The following MAGT1 variants were observed in gnomAD, a reference collection of about 807,000 sequenced individuals.
MAGT1 encodes dolichyl-diphosphooligosaccharide--protein glycosyltransferase subunit MAGT1.
MAGT1 carries 4 observed loss-of-function variants against 28.4 expected under a neutral mutation model. The ratio of observed to expected loss-of-function variants is 0.14; its 90% CI spans 0.07 to 0.32. The LOEUF (loss-of-function observed/expected upper bound fraction) is 0.32, where lower values mean the gene tolerates loss of function less well. MAGT1 is among the 10% of genes least tolerant of loss of function. The pLI is 1.00. For missense variants in MAGT1, 193 were observed against 264.5 expected, an observed-to-expected ratio of 0.73 and a Z score of 1.88; for synonymous variants, 89 against 89.7, an observed-to-expected ratio of 0.99 and a Z score of 0.04.
intron 1 of MAGT1, among the ~76,000 whole-genome samples, chrX:77,894,456 G>A (rs1317855870): frequency 4.5e-5 from 5 of 112,141 alleles, no homozygotes; most frequent in African/African-American, 1.3e-4. Context: ...TCTATTAGAG[G>A]AAGCACAGAA....
intron 7 of MAGT1, among the ~76,000 whole-genome samples, chrX:77,844,867 T>C (rs1253667993): frequency 1.8e-5 from 2 of 111,730 alleles, no homozygotes; most frequent in African/African-American, 6.5e-5. Flanking sequence ...CTTCCAACTA[T>C]GTGGTCAATT....
In MAGT1 at chrX:77,871,437, C is replaced by A. The variant is rs782292465; in HGVS notation, c.273-512G>T. Among the ~76,000 whole-genome samples, 4 of 112,332 alleles carry A rather than the reference C, an allele frequency of 3.6e-5. No individual in the cohort carries two copies. In the South Asian group the frequency reaches 1.5e-3, roughly 41 times the overall value. ...GTCTAGGAATTGAAATTAATTGAGG[C>A]CAGCTCATACCTGTAATCCCAGCAC... is the stretch of plus-strand genomic sequence containing the variant. On this transcript the variant is annotated intron_variant, in intron 2 of 9. Transcript: ENST00000618282.
At chrX:77,877,940 A>C (rs2077040411) in intron 1 of MAGT1, among the ~76,000 whole-genome samples, 1 of 109,830 alleles carries the variant, frequency 9.1e-6, no homozygotes, top group Non-Finnish European at 1.9e-5. Context: ...ACTGGTGGGA[A>C]TGTAGTATGG....
At chrX:77,877,013 CA>C (rs782800456) in intron 1 of MAGT1, among the ~76,000 whole-genome samples, 368 of 10,618 alleles carry the variant, frequency 0.035, 2 homozygotes, top group African/African-American at 0.1. Context: ...AACTCCATCT[CA>C]AAAAAAAAAA....
At chrX:77,879,276 G>A (rs1356868037) in intron 1 of MAGT1, among the ~76,000 whole-genome samples, 1 of 111,259 alleles carries the variant, frequency 9.0e-6, no homozygotes, top group Non-Finnish European at 1.9e-5. Context: ...AGGCTGGTCT[G>A]GAACTCTTGA....
intron 8 of MAGT1, among the ~76,000 whole-genome samples, chrX:77,833,491 T>C (rs1016512743): frequency 1.2e-4 from 14 of 112,143 alleles, no homozygotes; most frequent in African/African-American, 4.5e-4. Context: ...CGATATTTTG[T>C]GGCAGAGTTA....
intron 7 of MAGT1, among the ~76,000 whole-genome samples, chrX:77,852,417 ATC>A (rs1273012436): frequency 8.9e-6 from 1 of 111,780 alleles, no homozygotes; most frequent in Non-Finnish European, 1.9e-5. Flanking sequence ...TTTCCTTAAA[ATC>A]TCTCTAATCA....
At position 77,889,775 on chromosome X, in the gene MAGT1, T is replaced by A. The variant is rs942386856; in HGVS notation, c.102+5534A>T. Among the ~76,000 whole-genome samples, 5 of 112,206 alleles carry A rather than the reference T, an allele frequency of 4.5e-5. No individual in the cohort carries two copies. The Admixed American group carries it at 4.8e-4, about 11-fold the overall frequency. ...AGATATCCATCTCCTCAAGCATTTA[T>A]CCTTTGTGTTACAAACAATCCTATT... On this transcript the variant is annotated intron_variant, in intron 1 of 9. Coordinates refer to ENST00000618282, the MANE Select transcript of MAGT1 (RefSeq NM_001367916.1).
chrX:77,834,307 T>C (rs1382258218), intron 8 of MAGT1, among the ~76,000 whole-genome samples: 1 of 101,998 alleles, frequency 9.8e-6, no homozygotes, highest in Non-Finnish European at 2.0e-5. Context: ...TATATACATG[T>C]GTGTATATAT....
At chrX:77,877,131 G>A (rs1187442311) in intron 1 of MAGT1, among the ~76,000 whole-genome samples, 2 of 109,794 alleles carry the variant, frequency 1.8e-5, no homozygotes, top group Non-Finnish European at 3.8e-5. Context: ...CTAAGGGTAG[G>A]CAAAGGTTTC....
chrX:77,885,533 AAGAG>A (rs2077065584), intron 1 of MAGT1: 1 of 102,846 alleles, frequency 9.7e-6, no homozygotes, highest in Admixed American at 1.1e-4. Context: ...AAAAAAAAAA[AAGAG>A]AGACAGGGTG....
intron 1 of MAGT1, among the ~76,000 whole-genome samples, chrX:77,887,531 A>T (rs182819306): frequency 1.2e-3 from 130 of 111,799 alleles, no homozygotes; most frequent in African/African-American, 3.0e-3. Context: ...GGCATGGTTG[A>T]GAAATAAAAA....
intron 2 of MAGT1, 39 bp from the exon 3 acceptor site, chrX:77,870,964 A>G (rs1557217288): frequency 1.0e-6 from 1 of 994,983 alleles, no homozygotes. Flanking sequence ...CATATAAAAC[A>G]ATTTTTGAAA....
At chrX:77,829,867 A>G (rs781858576) in intron 9 of MAGT1, among the ~76,000 whole-genome samples, 1 of 112,399 alleles carries the variant, frequency 8.9e-6, no homozygotes, top group South Asian at 3.6e-4. Context: ...TGAATAGATA[A>G]TGGCATAAAA....
At chrX:77,841,094 G>A (rs2076933416) in intron 8 of MAGT1, 152 bp downstream of exon 8, 4 of 396,138 alleles carry the variant, frequency 1.0e-5, no homozygotes, top group Non-Finnish European at 1.8e-5. Flanking sequence ...AAATAGTAAA[G>A]GAGTTTAATA....
intron 8 of MAGT1, among the ~76,000 whole-genome samples, chrX:77,836,182 G>C (rs2076917512): frequency 9.0e-6 from 1 of 110,938 alleles, no homozygotes; most frequent in Non-Finnish European, 1.9e-5. Context: ...ATCAAAAAAT[G>C]AAAACAATTG....
chrX:77,843,162 C>T lies in MAGT1; in HGVS notation c.827-1842G>A, dbSNP rs570150258. 3.6e-5 allele frequency among the ~76,000 whole-genome samples: 4 copies of T among 112,269 alleles called. No homozygotes were observed. In the South Asian group the frequency reaches 1.5e-3, roughly 41 times the overall value. ...AAAATATGTGCCCTTTAGATGAGGC[C>T]TGAATTTATAATTGGCTCTAAAATT... is the stretch of plus-strand genomic sequence containing the variant. On this transcript the variant is annotated intron_variant, in intron 7 of 9. Coordinates refer to ENST00000618282, the MANE Select transcript of MAGT1 (RefSeq NM_001367916.1).
chrX:77,892,261 C>T (rs1465518786), intron 1 of MAGT1, among the ~76,000 whole-genome samples: 1 of 111,707 alleles, frequency 9.0e-6, no homozygotes, highest in Admixed American at 9.6e-5. Flanking sequence ...GTAGATAGAC[C>T]TGGAATTTTT....
At chrX:77,843,263 G>A (rs1439443527) in intron 7 of MAGT1, among the ~76,000 whole-genome samples, 1 of 110,908 alleles carries the variant, frequency 9.0e-6, no homozygotes, top group East Asian at 2.8e-4. Flanking sequence ...TTGAGACAGG[G>A]TCTCACTCTG....
Sources: gnomAD v4.1 joint callset for allele counts (sites outside exome capture counted in the v4.1 genomes callset) on GRCh38, gnomAD v4.1.1 for gene constraint, MANE v1.5 for transcripts, NCBI Gene and HGNC (gene_info 2026-07-23, HGNC 2026-07-21) for gene names.